MEGF6: variants seen among roughly 807,000 people sequenced by gnomAD.
MEGF6 encodes multiple EGF like domains 6, also known as multiple epidermal growth factor-like domains protein 6.
Under a neutral mutation model 207.1 loss-of-function variants are expected in MEGF6, and 184 were observed. The ratio of observed to expected loss-of-function variants is 0.89; its 90% CI spans 0.79 to 1.00. The LOEUF (loss-of-function observed/expected upper bound fraction) is 1.00. MEGF6 is among the 50% of genes least tolerant of loss of function. The probability of loss-of-function intolerance (pLI) is 0.00; values close to 1 mark genes in which losing one functional copy is unlikely to be tolerated. For synonymous variants in MEGF6, 1,038 were observed against 910.0 expected (o/e 1.14, Z -2.53); for missense variants, 2,282 against 2,202.9 (o/e 1.04, Z -0.72).
In MEGF6 at chr1:3,511,608, C is replaced by A. The variant is rs186018990; in HGVS notation, c.1056G>T (p.Gly352=). The part of the protein sequence containing the change: ...CSHGCSHTSA[G]PLCTCPRGYE... ...AGCCGCGGGGACATGTGCACAGGGG[C>A]CCAGCACTGGTGTGGCTGCAGCCAT... The change falls in exon 9 of 37, where the codon GGG becomes GGT. Residue 352 remains glycine (G), a synonymous_variant. Coordinates refer to ENST00000356575, the MANE Select transcript of MEGF6 (RefSeq NM_001409.4). 1.4e-3 allele frequency: 2,331 copies of A among 1,612,494 alleles called. 3 individuals carry two copies. The highest frequency in any genetic ancestry group is 1.8e-3 in the Non-Finnish European group (2,070 of 1,179,608).
intron 4 of MEGF6, among the ~76,000 whole-genome samples, chr1:3,554,228 G>A (rs1053035321): frequency 6.6e-6 from 1 of 152,182 alleles, no homozygotes; most frequent in Non-Finnish European, 1.5e-5. Context: ...ACCTCAGGAG[G>A]AGACGGTGAG....
chr1:3,493,470 G>A (rs1276207022), intron 34 of MEGF6: 1 of 472,216 alleles, frequency 2.1e-6, no homozygotes, highest in African/African-American at 2.0e-5. Context: ...GTCCACAGCT[G>A]GCAGATCAGG....
rs1235387990 is a variant in MEGF6 at position 3,509,865 on chromosome 1, C to G, written c.1357+5G>C. On this transcript the variant is annotated splice_donor_5th_base_variant and intron_variant, in intron 11 of 36. Coordinates refer to ENST00000356575, the MANE Select transcript of MEGF6 (RefSeq NM_001409.4). ...CCGGTGCTCCGCGGAGGGCGGGAGA[C>G]TCACGGCTGCAGCCCCTACGGTCCT... 6.4e-7 allele frequency: 1 copy of G among 1,550,842 alleles called. No homozygotes were observed. The highest frequency in any genetic ancestry group is 2.4e-5 in the East Asian group (1 of 41,638).
At chr1:3,608,529 G>C (rs775725491) in intron 1 of MEGF6, among the ~76,000 whole-genome samples, 1 of 152,214 alleles carries the variant, frequency 6.6e-6, no homozygotes, top group East Asian at 1.9e-4. Flanking sequence ...GGCCCGACCC[G>C]CCCTGGAGGG....
At chr1:3,510,642 A>G (rs945955987) in intron 10 of MEGF6, 141 bp downstream of exon 10, 22 of 1,230,642 alleles carry the variant, frequency 1.8e-5, no homozygotes, top group African/African-American at 3.1e-5. Context: ...CGCTCAACCA[A>G]CACCCACAGC....
intron 17 of MEGF6, 70 bp from the exon 18 acceptor site, chr1:3,501,991 G>C: frequency 1.3e-6 from 2 of 1,526,424 alleles, no homozygotes; most frequent in South Asian, 1.2e-5. Flanking sequence ...TTTCCCCCAG[G>C]GGCTCCTGGT....
intron 3 of MEGF6, among the ~76,000 whole-genome samples, chr1:3,586,119 C>G (rs1380910842): frequency 7.2e-6 from 1 of 138,804 alleles, no homozygotes; most frequent in Non-Finnish European, 1.5e-5. Flanking sequence ...GACACGTGTC[C>G]TGTGTGTGGG....
In MEGF6 at chr1:3,524,156, A is replaced by G; in HGVS notation, c.572T>C (p.Phe191Ser). The G allele has an allele frequency of 1.9e-6, 3 of 1,612,696 alleles. No homozygotes were observed. The highest frequency in any genetic ancestry group is 2.2e-5 in the South Asian group (2 of 91,060). The change falls in exon 5 of 37, where the codon TTC becomes TCC. Residue 191 changes from phenylalanine (F) to serine (S), a missense_variant. Phe to Ser is a radical substitution (Grantham distance 155). Transcript: ENST00000356575. Reference sequence around the variant, plus strand: ...GGTCCTGCTGTCAGTGTGGAGCCGGAAGCCGGGCTTGCACTCACAGAGGTA... The same window carrying G: ...GGTCCTGCTGTCAGTGTGGAGCCGGGAGCCGGGCTTGCACTCACAGAGGTA... Reference protein sequence around the residue: ...GSYLCECKPGFRLHTDSRTCL... With the variant: ...GSYLCECKPGSRLHTDSRTCL...
chr1:3,527,817 T>C (rs749045878), intron 4 of MEGF6, among the ~76,000 whole-genome samples: 2 of 151,398 alleles, frequency 1.3e-5, no homozygotes, highest in Non-Finnish European at 2.9e-5. Context: ...AAAGTAACGA[T>C]GTAAGTGTCC....
chr1:3,515,611 G>A, intron 5 of MEGF6, 84 bp from the exon 6 acceptor site: 1 of 1,524,986 alleles, frequency 6.6e-7, no homozygotes, highest in Non-Finnish European at 8.9e-7. Flanking sequence ...AGCAGGGAGT[G>A]GCATGGCCAC....
intron 5 of MEGF6, among the ~76,000 whole-genome samples, chr1:3,517,955 GC>G (rs1641607953): frequency 6.6e-6 from 1 of 152,246 alleles, no homozygotes; most frequent in African/African-American, 2.4e-5. Context: ...TGGTCAGCAT[GC>G]ATAATCGCAC....
intron 35 of MEGF6, among the ~76,000 whole-genome samples, chr1:3,491,789 C>T (rs1237423929): frequency 7.4e-6 from 1 of 135,274 alleles, no homozygotes; most frequent in Non-Finnish European, 1.6e-5. Context: ...GGGGGGGGTG[C>T]GGGCAGCAAA....
At chr1:3,536,668 G>A (rs115915866) in intron 4 of MEGF6, among the ~76,000 whole-genome samples, 380 of 152,296 alleles carry the variant, frequency 2.5e-3, no homozygotes, top group African/African-American at 8.9e-3. Context: ...GTCTGTGCCT[G>A]GGAATGTGTG....
intron 17 of MEGF6, 64 bp from the exon 18 acceptor site, chr1:3,501,985 C>A: frequency 2.8e-6 from 3 of 1,064,200 alleles, no homozygotes; most frequent in Non-Finnish European, 3.4e-6. Flanking sequence ...AGAGCCTTTC[C>A]CCCAGGGGCT....
In MEGF6 at chr1:3,594,372, T is replaced by C. The variant is rs1298518413; in HGVS notation, c.376+966A>G. On this transcript the variant is annotated intron_variant, in intron 3 of 36. Transcript: ENST00000356575. This position sits in a 1 kb window ranked among gnomAD's most constrained non-coding sequence, Gnocchi z 4.2. ...TGAGTCCAGGAATTTGAGGCTGCAG[T>C]GAGCTATGGTGGTGCCACTGCACTC... Among the ~76,000 whole-genome samples the C allele has an allele frequency of 6.6e-6, 1 of 152,174 alleles. No homozygotes were observed. Among genetic ancestry groups the C allele is most frequent in the Admixed American group, 6.5e-5 (1 of 15,280 alleles).
chr1:3,490,903 A>C lies in MEGF6; in HGVS notation c.4564+9T>G. On this transcript the variant is annotated intron_variant, in intron 36 of 36. Coordinates refer to ENST00000356575, the MANE Select transcript of MEGF6 (RefSeq NM_001409.4). ...TGGCAAGCCCACGGGCATTCCCCAC[A>C]CCCCTTACCTGAGCCCTGGGCTAAG... 2 of 1,584,004 alleles carry C rather than the reference A, an allele frequency of 1.3e-6. No individual in the cohort carries two copies. Among genetic ancestry groups the C allele is most frequent in the Non-Finnish European group, 1.7e-6 (2 of 1,165,004 alleles).
At chr1:3,592,530 C>T (rs1643996178) in intron 3 of MEGF6, among the ~76,000 whole-genome samples, 1 of 152,102 alleles carries the variant, frequency 6.6e-6, no homozygotes, top group South Asian at 2.1e-4. Context: ...GGGCAAGCAC[C>T]CGCTGCCAGG....
In MEGF6 at chr1:3,494,405, G is replaced by A. The variant is rs371751971; in HGVS notation, c.4095C>T (p.Cys1365=). The A allele has an allele frequency of 1.1e-4, 176 of 1,547,800 alleles. No individual in the cohort carries two copies. The highest frequency in any genetic ancestry group is 9.6e-5 in the African/African-American group (7 of 73,174). ...TCEPATGTCR[C]GPGFYGQACE... ...AGGCCTGGCCATAGAAGCCGGGGCC[G>A]CAGCGGCAGGTGCCCGTGGCAGGCT... Residue 1365 remains cysteine, a synonymous_variant, in exon 32 of 37, where the codon TGC becomes TGT. Transcript: ENST00000356575.
chr1:3,494,719 G>T lies in MEGF6; in HGVS notation c.3894C>A (p.Gly1298=), dbSNP rs745352508. ...CERGCPQNRF[G]VGCEHTCSCR... is the part of the protein sequence containing the mutation. ...AGGAGCAGGTGTGCTCGCAGCCCACGCCAAACCGGTTCTGGGGGCAGCCTG... is the reference window on the plus strand; with the variant it reads ...AGGAGCAGGTGTGCTCGCAGCCCACTCCAAACCGGTTCTGGGGGCAGCCTG... The change falls in exon 31 of 37, where the codon GGC becomes GGA. Residue 1298 remains glycine, a synonymous_variant. Coordinates refer to ENST00000356575, the MANE Select transcript of MEGF6 (RefSeq NM_001409.4). The T allele has an allele frequency of 2.4e-5, 38 of 1,587,998 alleles. No individual in the cohort carries two copies. Among genetic ancestry groups the T allele is most frequent in the Middle Eastern group, 2.0e-4 (1 of 4,930 alleles).
Sources: allele counts gnomAD v4.1 joint callset (sites outside exome capture counted in the v4.1 genomes callset), GRCh38; gene constraint gnomAD v4.1.1; non-coding constraint Gnocchi (gnomAD v3.1); transcripts MANE v1.5; gene names NCBI Gene and HGNC (gene_info 2026-07-23, HGNC 2026-07-21).